The following WWOX variants were observed in gnomAD, a reference collection of about 807,000 sequenced individuals.
The protein encoded by WWOX is WW domain-containing oxidoreductase.
A neutral mutation model predicts 46.2 loss-of-function variants in WWOX; 69 were observed. The observed-to-expected ratio is 1.49, with a 90% confidence interval of 1.23 to 1.82. The LOEUF is 1.82. Among genes scored for constraint, WWOX ranks in the 40% most tolerant of loss-of-function variants. WWOX has a pLI of 0.00. For synonymous variants in WWOX, 359 were observed against 202.6 expected, an observed-to-expected ratio of 1.77 and a Z score of -6.56; for missense variants, 919 against 542.6, an observed-to-expected ratio of 1.69 and a Z score of -6.89.
chr16:78,390,158 C>G (rs921500611), intron 6 of WWOX, among the ~76,000 whole-genome samples: 3 of 152,188 alleles, frequency 2.0e-5, no homozygotes, highest in South Asian at 2.1e-4. Flanking sequence ...GCCTCTTGTT[C>G]TTTTCCTCAT....
chr16:78,597,309 C>A lies in WWOX; in HGVS notation c.1056+164557C>A, dbSNP rs114556410. ...ATCAATTAAACGGATACTATTAGCA[C>A]CTACTGTGTGCCGGGCACTGTACTT... On this transcript the variant is annotated intron_variant, in intron 8 of 8. Coordinates refer to ENST00000566780, the MANE Select transcript of WWOX (RefSeq NM_016373.4). 8.7e-3 allele frequency among the ~76,000 whole-genome samples: 1,326 copies of A among 152,262 alleles called. 18 individuals are homozygous for A. Among genetic ancestry groups the A allele is most frequent in the African/African-American group, 0.031 (1,282 of 41,558 alleles).
At chr16:78,428,530 T>C (rs2083140291) in intron 7 of WWOX, among the ~76,000 whole-genome samples, 1 of 152,244 alleles carries the variant, frequency 6.6e-6, no homozygotes, top group Non-Finnish European at 1.5e-5. Context: ...CTTCTCCATC[T>C]TGAAACTGTC....
At chr16:78,885,716 C>T (rs959780150) in intron 8 of WWOX, among the ~76,000 whole-genome samples, 1 of 151,722 alleles carries the variant, frequency 6.6e-6, no homozygotes, top group East Asian at 1.9e-4. Context: ...TAATATCTCA[C>T]GAATGGCAGA....
chr16:78,623,671 G>A (rs984275989), intron 8 of WWOX, among the ~76,000 whole-genome samples: 3 of 150,714 alleles, frequency 2.0e-5, no homozygotes, highest in African/African-American at 7.3e-5. Flanking sequence ...AAGGAGCCAT[G>A]ATGTTATTAG....
intron 8 of WWOX, among the ~76,000 whole-genome samples, chr16:78,829,517 C>G (rs1372317163): frequency 6.6e-6 from 1 of 152,176 alleles, no homozygotes; most frequent in East Asian, 1.9e-4. Context: ...AGTCAGATAT[C>G]TGGGCACTGT....
At chr16:78,638,552 C>T (rs1267640842) in intron 8 of WWOX, among the ~76,000 whole-genome samples, 1 of 152,154 alleles carries the variant, frequency 6.6e-6, no homozygotes, top group Non-Finnish European at 1.5e-5. Flanking sequence ...CTGAATGACC[C>T]TGTTAATTGC....
chr16:78,438,086 T>C (rs1028328847), intron 8 of WWOX, among the ~76,000 whole-genome samples: 1 of 152,220 alleles, frequency 6.6e-6, no homozygotes, highest in African/African-American at 2.4e-5. Context: ...GTGATGACTT[T>C]AGAATCCTAC....
intron 8 of WWOX, among the ~76,000 whole-genome samples, chr16:79,075,284 A>C (rs2048633463): frequency 6.6e-6 from 1 of 152,138 alleles, no homozygotes; most frequent in African/African-American, 2.4e-5. Flanking sequence ...TCGTTTTTTA[A>C]CCCATTGTAA....
intron 8 of WWOX, among the ~76,000 whole-genome samples, chr16:79,040,071 A>C (rs1368468238): frequency 6.6e-6 from 1 of 152,138 alleles, no homozygotes; most frequent in Non-Finnish European, 1.5e-5. Flanking sequence ...TTCCATCTAT[A>C]AACTGGGTAT....
At chr16:78,965,971 T>C (rs2046356414) in intron 8 of WWOX, among the ~76,000 whole-genome samples, 1 of 152,150 alleles carries the variant, frequency 6.6e-6, no homozygotes, top group Admixed American at 6.5e-5. Context: ...AGGAAGGAGA[T>C]GCTGTGATTT....
intron 8 of WWOX, among the ~76,000 whole-genome samples, chr16:78,523,876 G>T (rs1202570639): frequency 6.6e-6 from 1 of 152,200 alleles, no homozygotes. Context: ...AGAGTTTTAG[G>T]ATGAAGAAAT....
At chr16:78,287,510 A>G (rs1036355780) in intron 5 of WWOX, among the ~76,000 whole-genome samples, 8 of 152,190 alleles carry the variant, frequency 5.3e-5, no homozygotes, top group African/African-American at 1.9e-4. Context: ...CATCAAGCAA[A>G]ACAACAGTAT....
chr16:78,901,945 C>G (rs1329312377), intron 8 of WWOX, among the ~76,000 whole-genome samples: 1 of 152,208 alleles, frequency 6.6e-6, no homozygotes, highest in Non-Finnish European at 1.5e-5. Flanking sequence ...GCTGATCAAT[C>G]CCATTCCCAC....
intron 8 of WWOX, among the ~76,000 whole-genome samples, chr16:79,097,062 AT>A (rs938187363): frequency 1.4e-3 from 200 of 146,144 alleles, no homozygotes; most frequent in Admixed American, 1.4e-3. Context: ...GTCAGGTTGG[AT>A]TTTTTTTTTT....
At position 78,449,364 on chromosome 16, in the gene WWOX, C is replaced by T. The variant is rs181226184; in HGVS notation, c.1056+16612C>T. ...TTAGAAGGAAATCACTGAGTCTGAT[C>T]GTTGTTAAAGGGGAAAGGATTTCAC... On this transcript the variant is annotated intron_variant, in intron 8 of 8. Coordinates refer to ENST00000566780, the MANE Select transcript of WWOX (RefSeq NM_016373.4). Among the ~76,000 whole-genome samples, 45 of 152,228 alleles carry T rather than the reference C, an allele frequency of 3.0e-4. 1 individual carries two copies. The highest frequency in any genetic ancestry group is 7.7e-4 in the African/African-American group (32 of 41,544).
intron 5 of WWOX, among the ~76,000 whole-genome samples, chr16:78,379,496 G>A (rs975215073): frequency 1.3e-5 from 2 of 152,178 alleles, no homozygotes; most frequent in African/African-American, 4.8e-5. Context: ...CACCCACATA[G>A]TGATGATGCT....
chr16:78,176,857 G>T (rs1294104784), intron 5 of WWOX, among the ~76,000 whole-genome samples: 1 of 152,302 alleles, frequency 6.6e-6, no homozygotes, highest in African/African-American at 2.4e-5. Flanking sequence ...AGGCAGGGAA[G>T]GATAGGATGC....
chr16:78,192,808 T>C (rs1274270270), intron 5 of WWOX, among the ~76,000 whole-genome samples: 1 of 152,230 alleles, frequency 6.6e-6, no homozygotes, highest in Non-Finnish European at 1.5e-5. Flanking sequence ...TATAGTTGAA[T>C]GTTTTGAATT....
chr16:79,194,292 G>C (rs1431493572), intron 8 of WWOX, among the ~76,000 whole-genome samples: 2 of 152,122 alleles, frequency 1.3e-5, no homozygotes, highest in Non-Finnish European at 2.9e-5. Context: ...GGCCTTCAAA[G>C]GAAATTTGAG....
Sources: allele counts gnomAD v4.1 joint callset (sites outside exome capture counted in the v4.1 genomes callset), GRCh38; gene constraint gnomAD v4.1.1; transcripts MANE v1.5; gene names NCBI Gene and HGNC (gene_info 2026-07-23, HGNC 2026-07-21).